Variants in P4HA1 observed in about 807,000 individuals in gnomAD.
P4HA1 encodes prolyl 4-hydroxylase subunit alpha-1.
Under a neutral mutation model 72.8 loss-of-function variants are expected in P4HA1, and 24 were observed. The ratio of observed to expected loss-of-function variants is 0.33; its 90% CI spans 0.24 to 0.46. The LOEUF is 0.46. Among genes scored for constraint, P4HA1 ranks in the 20% least tolerant of loss-of-function variants. The pLI is 1.00. For missense variants in P4HA1, 446 were observed against 640.6 expected, an observed-to-expected ratio of 0.70 and a Z score of 3.28; for synonymous variants, 201 against 218.8, an observed-to-expected ratio of 0.92 and a Z score of 0.72.
At chr10:73,021,409 A>C (rs965634379) in intron 10 of P4HA1, among the ~76,000 whole-genome samples, 11 of 152,238 alleles carry the variant, frequency 7.2e-5, no homozygotes, top group African/African-American at 2.7e-4. Context: ...AACATATGGA[A>C]TCAACCTAAG....
chr10:73,037,727 T>C (rs183095099), intron 9 of P4HA1, among the ~76,000 whole-genome samples: 3 of 150,798 alleles, frequency 2.0e-5, no homozygotes, highest in African/African-American at 4.9e-5. Context: ...CTTTGCTTCA[T>C]AGTGGGATAA....
intron 9 of P4HA1, among the ~76,000 whole-genome samples, chr10:73,037,981 C>T (rs1254179507): frequency 1.3e-5 from 2 of 152,084 alleles, no homozygotes; most frequent in African/African-American, 2.4e-5. Flanking sequence ...TAAGGCCAGA[C>T]ATGGTGGCTC....
At chr10:73,044,802 G>C (rs755858810) in intron 9 of P4HA1, among the ~76,000 whole-genome samples, 179 bp downstream of exon 9, 10 of 152,182 alleles carry the variant, frequency 6.6e-5, no homozygotes, top group Non-Finnish European at 1.0e-4. Context: ...AGAACTTCTA[G>C]TGAAGGAGAA....
intron 12 of P4HA1, 83 bp from the exon 13 acceptor site, chr10:73,011,120 T>C (rs2133029206): frequency 2.0e-6 from 2 of 1,021,366 alleles, no homozygotes; most frequent in East Asian, 2.4e-5. Context: ...TATTGGATAC[T>C]AGAATATTGG....
intron 14 of P4HA1, among the ~76,000 whole-genome samples, chr10:73,009,419 A>G (rs1010880705): frequency 5.3e-5 from 8 of 152,198 alleles, no homozygotes; most frequent in African/African-American, 1.9e-4. Context: ...TTCAGGACCA[A>G]ATTTAAAGAA....
At chr10:73,009,557 A>G (rs1564616861) in intron 14 of P4HA1, 2 of 402,214 alleles carry the variant, frequency 5.0e-6, no homozygotes, top group Non-Finnish European at 4.6e-6. Context: ...TGAGGGGAAG[A>G]TATTGTCTTA....
At chr10:73,022,208 G>A (rs370986714) in intron 10 of P4HA1, among the ~76,000 whole-genome samples, 1 of 152,166 alleles carries the variant, frequency 6.6e-6, no homozygotes. Context: ...CCTGACCCCC[G>A]TGTAGCCTAA....
At chr10:73,015,179 T>C (rs1839986972) in intron 11 of P4HA1, among the ~76,000 whole-genome samples, 1 of 152,144 alleles carries the variant, frequency 6.6e-6, no homozygotes, top group Non-Finnish European at 1.5e-5. Context: ...TTCAGCACTA[T>C]AATCAAGCTA....
At position 73,053,393 on chromosome 10, in the gene P4HA1, G is replaced by C; in HGVS notation, c.661C>G (p.Leu221Val). Residue 221 changes from leucine (L) to valine (V), a missense_variant, in exon 6 of 15, where the codon CTG becomes GTG. Transcript: ENST00000394890. ...LSYAVYQQGD[L>V]DKALLLTKKL... ...TTTGTGAGCAAAAGTGCCTTATCCA[G>C]GTCTCCCTGCTGATATACCGCATAG... 1 of 1,614,084 alleles carries C rather than the reference G, an allele frequency of 6.2e-7. No individual in the cohort carries two copies. The highest frequency in any genetic ancestry group is 8.5e-7 in the Non-Finnish European group (1 of 1,179,958).
At chr10:73,045,174 C>T in intron 8 of P4HA1, 123 bp from the exon 9 acceptor site, 1 of 683,812 alleles carries the variant, frequency 1.5e-6, no homozygotes, top group Non-Finnish European at 2.5e-6. Context: ...ACTCCATACA[C>T]TTCCAGTCAC....
Position 73,069,003 on chromosome 10 carries a change from A to AG in P4HA1, c.326-21dup, listed in dbSNP as rs781620094. 6 of 1,579,522 alleles carry AG rather than the reference A, an allele frequency of 3.8e-6. No homozygotes were observed. The African/African-American group carries it at 6.8e-5, about 18-fold the overall frequency. ...TAAAGCCTTGAAATAGATAAATCAA[A>AG]GAAAAAAAAACTGTAGAACCTCATA... On this transcript the variant is annotated intron_variant, in intron 4 of 14. Transcript: ENST00000394890.
Position 73,016,845 on chromosome 10 carries a change from C to T in P4HA1, c.1302+1G>A. 1.2e-6 allele frequency: 2 copies of T among 1,603,930 alleles called. No individual in the cohort carries two copies. The highest frequency in any genetic ancestry group is 1.7e-6 in the Non-Finnish European group (2 of 1,171,072). ...AATTTCTCCATTTCTTTTTCACTTACCCGTGCAAAGTCAAAATGGGGTTCA... is the reference window on the plus strand; with the variant it reads ...AATTTCTCCATTTCTTTTTCACTTATCCGTGCAAAGTCAAAATGGGGTTCA... On this transcript the variant is annotated splice_donor_variant, in intron 11 of 14. Coordinates refer to ENST00000394890, the MANE Select transcript of P4HA1 (RefSeq NM_001017962.3). LOFTEE classifies it high-confidence loss of function.
intron 13 of P4HA1, 52 bp downstream of exon 13, chr10:73,010,917 C>T: frequency 7.6e-7 from 1 of 1,320,746 alleles, no homozygotes; most frequent in Non-Finnish European, 1.1e-6. Context: ...ACAAGTGCAT[C>T]TCTTCCTTAG....
intron 12 of P4HA1, among the ~76,000 whole-genome samples, chr10:73,012,214 A>G (rs1293985116): frequency 2.0e-5 from 3 of 152,220 alleles, no homozygotes; most frequent in Non-Finnish European, 4.4e-5. Context: ...AGGAACACAT[A>G]AACACTAATG....
chr10:73,070,142 C>T (rs1332249956), intron 4 of P4HA1, among the ~76,000 whole-genome samples: 18 of 64,500 alleles, frequency 2.8e-4, no homozygotes, highest in East Asian at 2.1e-3. Flanking sequence ...GAGACCAGGC[C>T]TTTTTTTTTT....
chr10:73,071,944 T>TA, intron 4 of P4HA1, 85 bp downstream of exon 4: 1 of 1,124,092 alleles, frequency 8.9e-7, no homozygotes, highest in East Asian at 2.4e-5. Context: ...TGAACTGGTT[T>TA]CCTGGGAACT....
intron 14 of P4HA1, among the ~76,000 whole-genome samples, chr10:73,009,316 G>T (rs548835197): frequency 3.3e-5 from 5 of 152,314 alleles, no homozygotes; most frequent in Non-Finnish European, 7.3e-5. Flanking sequence ...CTGACTGAGA[G>T]TGAGTGCCTC....
chr10:73,050,699 C>T (rs538939286), intron 7 of P4HA1, among the ~76,000 whole-genome samples: 91 of 106,340 alleles, frequency 8.6e-4, no homozygotes, highest in Non-Finnish European at 1.5e-3. Flanking sequence ...GACTCCATCT[C>T]AAAAAAAAAA....
intron 3 of P4HA1, among the ~76,000 whole-genome samples, chr10:73,072,908 G>A (rs1841599336): frequency 6.6e-6 from 1 of 151,992 alleles, no homozygotes; most frequent in Non-Finnish European, 1.5e-5. Flanking sequence ...GGTGGCTCAC[G>A]CCTGTAATCC....
Sources: gnomAD v4.1 joint callset for allele counts (sites outside exome capture counted in the v4.1 genomes callset) on GRCh38, gnomAD v4.1.1 for gene constraint, MANE v1.5 for transcripts, NCBI Gene and HGNC (gene_info 2026-07-23, HGNC 2026-07-21) for gene names.